DOK5: variants seen among roughly 807,000 people sequenced by gnomAD.
DOK5 encodes docking protein 5.
Under a neutral mutation model 43.3 loss-of-function variants are expected in DOK5, and 27 were observed. That is an observed-to-expected ratio of 0.62 (90% CI 0.46 to 0.86). The LOEUF is 0.86. Ranked by LOEUF, DOK5 falls within the 40% of genes least tolerant of loss-of-function variation. The probability of loss-of-function intolerance (pLI) is 0.00; values close to 1 mark genes in which losing one functional copy is unlikely to be tolerated. For missense variants in DOK5, 373 were observed against 392.9 expected, an observed-to-expected ratio of 0.95 and a Z score of 0.43; for synonymous variants, 146 against 140.1, an observed-to-expected ratio of 1.04 and a Z score of -0.30.
chr20:54,496,276 C>T (rs1982387429), intron 1 of DOK5, among the ~76,000 whole-genome samples: 1 of 152,154 alleles, frequency 6.6e-6, no homozygotes, highest in Non-Finnish European at 1.5e-5. Flanking sequence ...CCAGTTTCTC[C>T]TTTTATCTTA....
At chr20:54,572,538 T>C (rs946260749) in intron 2 of DOK5, among the ~76,000 whole-genome samples, 3 of 152,150 alleles carry the variant, frequency 2.0e-5, no homozygotes, top group Non-Finnish European at 4.4e-5. Flanking sequence ...ATGACATGAT[T>C]GATATGAGGT....
Position 54,588,770 on chromosome 20 carries a change from G to A in DOK5, c.373G>A (p.Asp125Asn). 2 of 1,614,050 alleles carry A rather than the reference G, an allele frequency of 1.2e-6. No individual in the cohort carries two copies. The highest frequency in any genetic ancestry group is 1.7e-4 in the Middle Eastern group (1 of 6,058). Residue 125 changes from aspartate (D) to asparagine (N), a missense_variant, in exon 4 of 8, where the codon GAC becomes AAC. Asp to Asn is a conservative substitution (Grantham distance 23, BLOSUM62 1). Transcript: ENST00000262593. ...CAATGACATCAGCCTTGGAGAGCCTGACTTACTGGCCACTGGGGTTGAGAG... is the reference window on the plus strand; with the variant it reads ...CAATGACATCAGCCTTGGAGAGCCTAACTTACTGGCCACTGGGGTTGAGAG... ...RINDISLGEP[D>N]LLATGVEREQ...
At chr20:54,571,501 G>T (rs918708434) in intron 2 of DOK5, among the ~76,000 whole-genome samples, 1 of 152,144 alleles carries the variant, frequency 6.6e-6, no homozygotes, top group African/African-American at 2.4e-5. Flanking sequence ...TGACATTTTG[G>T]TTGTGAGAGG....
At chr20:54,540,275 T>C (rs926578052) in intron 1 of DOK5, among the ~76,000 whole-genome samples, 1 of 152,170 alleles carries the variant, frequency 6.6e-6, no homozygotes, top group African/African-American at 2.4e-5. Context: ...CCTTGTTATT[T>C]GTCCCTACGT....
intron 5 of DOK5, among the ~76,000 whole-genome samples, chr20:54,605,128 AAC>A (rs1049343148): frequency 1.6e-5 from 2 of 128,600 alleles, no homozygotes; most frequent in African/African-American, 4.1e-5. Context: ...CACACACACA[AAC>A]ACACACAGAG....
chr20:54,528,399 A>ATTT (rs1983651207), intron 1 of DOK5, among the ~76,000 whole-genome samples: 1 of 152,124 alleles, frequency 6.6e-6, no homozygotes, highest in Non-Finnish European at 1.5e-5. Context: ...TCAACAGGAA[A>ATTT]CCTGGTATCT....
intron 2 of DOK5, among the ~76,000 whole-genome samples, chr20:54,555,865 C>G (rs1311856041): frequency 6.6e-6 from 1 of 152,166 alleles, no homozygotes; most frequent in Non-Finnish European, 1.5e-5. Context: ...GGCCAGGCTT[C>G]TTTGCCATTT....
At chr20:54,561,143 C>T (rs1984891383) in intron 2 of DOK5, among the ~76,000 whole-genome samples, 1 of 152,184 alleles carries the variant, frequency 6.6e-6, no homozygotes, top group Non-Finnish European at 1.5e-5. Context: ...AAAGTCTCTG[C>T]TCTGTCTTCA....
At chr20:54,556,778 C>T (rs1455043058) in intron 2 of DOK5, among the ~76,000 whole-genome samples, 1 of 152,212 alleles carries the variant, frequency 6.6e-6, no homozygotes, top group African/African-American at 2.4e-5. Context: ...CACCCTGAGG[C>T]TCTGTACTGT....
intron 1 of DOK5, among the ~76,000 whole-genome samples, chr20:54,513,129 T>C (rs1295318934): frequency 2.0e-5 from 3 of 152,148 alleles, no homozygotes; most frequent in Non-Finnish European, 4.4e-5. Context: ...GCAGAATATG[T>C]TGGCAACTTG....
intron 1 of DOK5, among the ~76,000 whole-genome samples, chr20:54,490,809 C>T (rs1982141132): frequency 6.6e-6 from 1 of 152,158 alleles, no homozygotes; most frequent in South Asian, 2.1e-4. Context: ...AAGATGGTCT[C>T]GATCTCTTGA....
At chr20:54,616,044 T>A (rs928359508) in intron 6 of DOK5, among the ~76,000 whole-genome samples, 5 of 152,194 alleles carry the variant, frequency 3.3e-5, no homozygotes, top group Non-Finnish European at 5.9e-5. Context: ...TGTGGTTTTA[T>A]GCCACCACTT....
intron 1 of DOK5, among the ~76,000 whole-genome samples, chr20:54,481,342 A>G (rs1353552993): frequency 6.6e-6 from 1 of 151,912 alleles, no homozygotes; most frequent in Non-Finnish European, 1.5e-5. Context: ...GCTAATTTTT[A>G]TATTTTTAAT....
At chr20:54,567,618 A>C (rs1411775704) in intron 2 of DOK5, among the ~76,000 whole-genome samples, 1 of 152,038 alleles carries the variant, frequency 6.6e-6, no homozygotes, top group African/African-American at 2.4e-5. Flanking sequence ...GGGTAGAGTG[A>C]TTCATTTCAC....
intron 6 of DOK5, among the ~76,000 whole-genome samples, chr20:54,610,928 C>G (rs1244746030): frequency 6.6e-6 from 1 of 152,096 alleles, no homozygotes; most frequent in Non-Finnish European, 1.5e-5. Flanking sequence ...TGTCAAAAGC[C>G]CAAGACCAGA....
At chr20:54,540,545 G>A (rs898544023) in intron 1 of DOK5, among the ~76,000 whole-genome samples, 4 of 152,052 alleles carry the variant, frequency 2.6e-5, no homozygotes, top group Admixed American at 1.3e-4. Context: ...ATTGAGACAG[G>A]GTTTCTGTTG....
intron 5 of DOK5, among the ~76,000 whole-genome samples, chr20:54,596,725 A>G (rs1986153481): frequency 6.6e-6 from 1 of 152,220 alleles, no homozygotes. Context: ...GCCTGAATGT[A>G]GTAGGCAGTT....
intron 1 of DOK5, among the ~76,000 whole-genome samples, chr20:54,489,637 G>A (rs1272239456): frequency 6.6e-6 from 1 of 151,224 alleles, no homozygotes; most frequent in African/African-American, 2.4e-5. Flanking sequence ...GTTATTTTAT[G>A]CCCATTTTAC....
chr20:54,623,158 G>C (rs1431594183), intron 6 of DOK5, among the ~76,000 whole-genome samples: 1 of 152,166 alleles, frequency 6.6e-6, no homozygotes, highest in Non-Finnish European at 1.5e-5. Flanking sequence ...ACATTTGGCA[G>C]TATCTGGAGT....
Sources: gnomAD v4.1 joint callset for allele counts (sites outside exome capture counted in the v4.1 genomes callset) on GRCh38, gnomAD v4.1.1 for gene constraint, MANE v1.5 for transcripts, NCBI Gene and HGNC (gene_info 2026-07-23, HGNC 2026-07-21) for gene names.